The following FUT8 variants were observed in gnomAD, a reference collection of about 807,000 sequenced individuals.
FUT8 encodes the protein fucosyltransferase 8, also known as alpha-(1,6)-fucosyltransferase.
Under a neutral mutation model 71.3 loss-of-function variants are expected in FUT8, and 29 were observed. That is an observed-to-expected ratio of 0.41 (90% CI 0.30 to 0.55). The LOEUF (loss-of-function observed/expected upper bound fraction) is 0.55, where lower values mean the gene tolerates loss of function less well. Among genes scored for constraint, FUT8 ranks in the 20% least tolerant of loss-of-function variants. The pLI is 0.34. For synonymous variants in FUT8, 254 were observed against 239.3 expected, an observed-to-expected ratio of 1.06 and a Z score of -0.57; for missense variants, 544 against 702.1, an observed-to-expected ratio of 0.77 and a Z score of 2.55.
chr14:65,411,643 T>G, upstream of FUT8: 1 of 197,040 alleles, frequency 5.1e-6, no homozygotes, highest in Non-Finnish European at 1.1e-5. Flanking sequence ...GTATCCCCGG[T>G]ATGTACTTTA....
chr14:65,521,309 A>G (rs942865110), intron 2 of FUT8, among the ~76,000 whole-genome samples: 2 of 152,194 alleles, frequency 1.3e-5, no homozygotes, highest in African/African-American at 4.8e-5. Context: ...TTAAATTGTT[A>G]CATAAAAATG....
chr14:65,411,958 C>A (rs916251232), upstream of FUT8: 15 of 452,004 alleles, frequency 3.3e-5, 1 homozygote, highest in African/African-American at 2.8e-4. Context: ...CACTGCTCTG[C>A]ATCGCGGGCG....
upstream of FUT8, chr14:65,411,973 G>C (rs766689461): frequency 8.8e-6 from 4 of 455,106 alleles, no homozygotes; most frequent in South Asian, 1.6e-5. Context: ...CGGGCGCCGG[G>C]AATTTTCCGA....
intron 2 of FUT8, among the ~76,000 whole-genome samples, chr14:65,530,899 A>G (rs1365672600): frequency 6.7e-6 from 1 of 149,252 alleles, no homozygotes; most frequent in Non-Finnish European, 1.5e-5. Context: ...CAAAAACCTC[A>G]TGACTTTACC....
chr14:65,526,929 T>A (rs1883515605), intron 2 of FUT8, among the ~76,000 whole-genome samples: 1 of 152,226 alleles, frequency 6.6e-6, no homozygotes, highest in Non-Finnish European at 1.5e-5. Flanking sequence ...TGCTGAGAGA[T>A]CCACTGTTAG....
chr14:65,602,755 A>G (rs1888374998), intron 3 of FUT8, among the ~76,000 whole-genome samples: 1 of 151,804 alleles, frequency 6.6e-6, no homozygotes, highest in Non-Finnish European at 1.5e-5. Context: ...TTTGATTTGC[A>G]TATCCCTGAT....
chr14:65,432,145 G>A (rs1335961265), intron 1 of FUT8, among the ~76,000 whole-genome samples: 1 of 151,978 alleles, frequency 6.6e-6, no homozygotes, highest in African/African-American at 2.4e-5. Flanking sequence ...TGTCCTCTTG[G>A]CTCATTTACA....
intron 3 of FUT8, among the ~76,000 whole-genome samples, chr14:65,568,812 CTTTTA>C (rs369097936): frequency 1.8e-3 from 279 of 151,432 alleles, no homozygotes; most frequent in Non-Finnish European, 3.4e-3. Flanking sequence ...CACTCATATT[CTTTTA>C]TAATTGGCCA....
intron 7 of FUT8, among the ~76,000 whole-genome samples, chr14:65,695,264 T>C (rs770097994): frequency 2.0e-5 from 3 of 152,162 alleles, no homozygotes; most frequent in Non-Finnish European, 4.4e-5. Flanking sequence ...TATTGAAGTC[T>C]CCAAGTATAA....
chr14:65,538,972 A>C (rs1884515292), intron 2 of FUT8, among the ~76,000 whole-genome samples: 1 of 152,184 alleles, frequency 6.6e-6, no homozygotes, highest in Admixed American at 6.5e-5. Context: ...CTTCTAGATA[A>C]ATCCATTGAG....
intron 2 of FUT8, among the ~76,000 whole-genome samples, chr14:65,495,104 C>CT (rs970416392): frequency 2.0e-5 from 3 of 149,716 alleles, no homozygotes; most frequent in Non-Finnish European, 3.0e-5. Flanking sequence ...CTTTCAGAAC[C>CT]TTTTTTTTTC....
chr14:65,482,218 A>G (rs1001113875), intron 2 of FUT8, among the ~76,000 whole-genome samples: 1 of 152,174 alleles, frequency 6.6e-6, no homozygotes, highest in African/African-American at 2.4e-5. Context: ...TTATTTCAGC[A>G]TCATTTACTG....
intron 6 of FUT8, among the ~76,000 whole-genome samples, chr14:65,650,363 A>G (rs1420575939): frequency 6.7e-6 from 1 of 149,808 alleles, no homozygotes; most frequent in African/African-American, 2.5e-5. Context: ...AAGGAGGCCT[A>G]ATTGGTTCAC....
At chr14:65,469,867 C>T (rs2066110249) in intron 2 of FUT8, among the ~76,000 whole-genome samples, 1 of 152,332 alleles carries the variant, frequency 6.6e-6, no homozygotes, top group South Asian at 2.1e-4. Flanking sequence ...TCAATTGGTA[C>T]ATCGGTGGCC....
At chr14:65,679,760 G>C (rs1406610104) in intron 7 of FUT8, among the ~76,000 whole-genome samples, 1 of 152,084 alleles carries the variant, frequency 6.6e-6, no homozygotes, top group African/African-American at 2.4e-5. Context: ...TTATCACCTG[G>C]GGGATGGTGG....
At chr14:65,739,876 A>G (rs760842147) in intron 10 of FUT8, among the ~76,000 whole-genome samples, 4 of 152,078 alleles carry the variant, frequency 2.6e-5, no homozygotes, top group Non-Finnish European at 4.4e-5. Context: ...TAAAACAAAC[A>G]TAATGATAGA....
At chr14:65,412,127 C>T (rs1193904437), upstream of FUT8, 1 of 454,432 alleles carries the variant, frequency 2.2e-6, no homozygotes, top group East Asian at 7.4e-5. Context: ...CTCAGGCCCT[C>T]GTGGGGGGGG....
At chr14:65,426,849 A>G (rs2065396058) in intron 1 of FUT8, among the ~76,000 whole-genome samples, 1 of 152,058 alleles carries the variant, frequency 6.6e-6, no homozygotes, top group African/African-American at 2.4e-5. Context: ...ACACATGCAC[A>G]CATAACACAT....
chr14:65,628,364 A>G (rs894497161), intron 5 of FUT8, among the ~76,000 whole-genome samples: 7 of 152,188 alleles, frequency 4.6e-5, no homozygotes, highest in African/African-American at 1.7e-4. Flanking sequence ...AAGTAGTAAC[A>G]TTATTTGTTG....
Sources: allele counts gnomAD v4.1 joint callset (sites outside exome capture counted in the v4.1 genomes callset), GRCh38; gene constraint gnomAD v4.1.1; transcripts MANE v1.5; gene names NCBI Gene and HGNC (gene_info 2026-07-23, HGNC 2026-07-21).